Variants in GATA1 observed in about 807,000 individuals in gnomAD.
GATA1 encodes GATA binding protein 1, also known as erythroid transcription factor.
GATA1 carries 2 observed loss-of-function variants against 18.9 expected under a neutral mutation model. That is an observed-to-expected ratio of 0.11 (90% confidence interval 0.04 to 0.33). The LOEUF (loss-of-function observed/expected upper bound fraction) is 0.33. GATA1 is among the 10% of genes least tolerant of loss of function. GATA1 has a pLI of 1.00. For synonymous variants in GATA1, 152 were observed against 149.1 expected, an observed-to-expected ratio of 1.02 and a Z score of -0.14; for missense variants, 272 against 344.7, an observed-to-expected ratio of 0.79 and a Z score of 1.67.
intron 5 of GATA1, 90 bp from the exon 6 acceptor site, chrX:48,793,703 T>G (rs2062681696): frequency 3.5e-6 from 4 of 1,135,631 alleles, no homozygotes; most frequent in Non-Finnish European, 4.8e-6. Context: ...TATCTTACCC[T>G]GAAAGAAGTG....
chrX:48,789,044 C>T (rs781987724), intron 1 of GATA1, among the ~76,000 whole-genome samples: 66 of 112,625 alleles, frequency 5.9e-4, no homozygotes, highest in Non-Finnish European at 1.1e-3. Context: ...CAGTGGCTCA[C>T]GCCTATAACC....
In GATA1 at chrX:48,791,776, C is replaced by A. The variant is rs192402435; in HGVS notation, c.221-68C>A. On this transcript the variant is annotated intron_variant, in intron 2 of 5. Coordinates refer to ENST00000376670, the MANE Select transcript of GATA1 (RefSeq NM_002049.4). Reference sequence around the variant, plus strand: ...GTTGGGGGTGCTGGGAACCACTGCACCCTGACGTGCGCTGACCCTAGACTG... The same window carrying A: ...GTTGGGGGTGCTGGGAACCACTGCAACCTGACGTGCGCTGACCCTAGACTG... 1.4e-5 allele frequency: 16 copies of A among 1,168,090 alleles called. No homozygotes were observed. The East Asian group carries it at 3.9e-4, about 28-fold the overall frequency.
Position 48,793,999 on chromosome X carries a change from T to C in GATA1, c.1077T>C (p.Gly359=). 1 of 1,210,089 alleles carries C rather than the reference T, an allele frequency of 8.3e-7. No homozygotes were observed. The highest frequency in any genetic ancestry group is 1.8e-5 in the South Asian group (1 of 56,533). The change falls in exon 6 of 6, where the codon GGT becomes GGC. Residue 359 remains glycine, a synonymous_variant. Coordinates refer to ENST00000376670, the MANE Select transcript of GATA1 (RefSeq NM_002049.4). ...VASGLTLGPP[G]TAHLYQGLGP... is the part of the protein sequence containing the mutation. Reference sequence around the variant, plus strand: ...CAGGCCTGACACTGGGCCCCCCAGGTACTGCCCATCTCTACCAAGGCCTGG... The same window carrying C: ...CAGGCCTGACACTGGGCCCCCCAGGCACTGCCCATCTCTACCAAGGCCTGG...
At chrX:48,793,347 C>T in intron 5 of GATA1, 50 bp downstream of exon 5, 9 of 1,161,020 alleles carry the variant, frequency 7.8e-6, no homozygotes, top group Non-Finnish European at 1.1e-5. Flanking sequence ...TGTCTTCATG[C>T]CACACTGCCC....
In GATA1 at chrX:48,792,319, C is replaced by T; in HGVS notation, c.599-4C>T. ...GCTCCCTCTTCTCCTCTCCACCCCACCAGAGGCCAGGGAGTGTGTGAACTG... is the reference window on the plus strand; with the variant it reads ...GCTCCCTCTTCTCCTCTCCACCCCATCAGAGGCCAGGGAGTGTGTGAACTG... On this transcript the variant is annotated splice_polypyrimidine_tract_variant and splice_region_variant and intron_variant, in intron 3 of 5. Transcript: ENST00000376670. 1 of 1,211,862 alleles carries T rather than the reference C, an allele frequency of 8.3e-7. No homozygotes were observed. The highest frequency in any genetic ancestry group is 1.8e-5 in the South Asian group (1 of 56,994).
intron 1 of GATA1, 82 bp from the exon 2 acceptor site, chrX:48,791,009 G>C: frequency 3.2e-6 from 2 of 629,684 alleles, no homozygotes; most frequent in South Asian, 2.4e-5. Flanking sequence ...GTGGGAGGAG[G>C]GGGAAAGGAG....
intron 1 of GATA1, among the ~76,000 whole-genome samples, chrX:48,789,736 C>A (rs913267007): frequency 4.5e-5 from 5 of 110,623 alleles, no homozygotes; most frequent in South Asian, 3.9e-4. Context: ...GGTACTGACC[C>A]CCCCCCAACC....
intron 2 of GATA1, 83 bp from the exon 3 acceptor site, chrX:48,791,761 C>A: frequency 9.0e-7 from 1 of 1,110,729 alleles, no homozygotes; most frequent in Non-Finnish European, 1.2e-6. Flanking sequence ...GTTGGGGGTG[C>A]TGGGAACCAC....
intron 1 of GATA1, among the ~76,000 whole-genome samples, chrX:48,790,698 AAGAC>A (rs1168343335): frequency 2.1e-5 from 2 of 96,644 alleles, no homozygotes; most frequent in Non-Finnish European, 4.2e-5. Context: ...AGACGGGAGA[AAGAC>A]AGGAGGAAAA....
At chrX:48,787,797 A>G (rs960124330) in intron 1 of GATA1, among the ~76,000 whole-genome samples, 4 of 110,747 alleles carry the variant, frequency 3.6e-5, no homozygotes, top group African/African-American at 9.9e-5. Context: ...CCTAAGCCCC[A>G]TATCTGCCCC....
intron 1 of GATA1, among the ~76,000 whole-genome samples, chrX:48,788,309 A>C (rs1211461943): frequency 9.0e-6 from 1 of 110,800 alleles, no homozygotes; most frequent in Non-Finnish European, 1.9e-5. Flanking sequence ...AAGGAAAAAC[A>C]GAGAGAGAGA....
At chrX:48,790,677 G>A (rs1406859347) in intron 1 of GATA1, among the ~76,000 whole-genome samples, 2 of 100,747 alleles carry the variant, frequency 2.0e-5, no homozygotes, top group Non-Finnish European at 4.0e-5. Context: ...AAGAAGAGAT[G>A]GGAAGAAGAG....
At chrX:48,792,816 C>T (rs1557020374) in intron 4 of GATA1, among the ~76,000 whole-genome samples, 3 of 111,780 alleles carry the variant, frequency 2.7e-5, no homozygotes, top group African/African-American at 6.5e-5. Context: ...CCAGTGTTTT[C>T]GTCCTTGGCT....
At chrX:48,791,643 G>A (rs1411407941) in intron 2 of GATA1, among the ~76,000 whole-genome samples, 8 of 111,650 alleles carry the variant, frequency 7.2e-5, no homozygotes, top group African/African-American at 2.6e-4. Context: ...AATGGTCAGA[G>A]GTTATTGCAG....
Position 48,793,248 on chromosome X carries a change from G to A in GATA1, c.821G>A (p.Ser274Asn), listed in dbSNP as rs374457234. ...ACGACACTGTGGCGGAGAAATGCCA[G>A]TGGGGATCCCGTGTGCAATGCCTGC... The part of the protein sequence containing the change: ...TTTTLWRRNA[S>N]GDPVCNACGL... Residue 274 changes from serine (S) to asparagine (N), a missense_variant, in exon 5 of 6, where the codon AGT (serine) becomes AAT (asparagine). This residue lies in a region of GATA1 where 42 missense variants were observed against 103.2 expected (regional missense o/e 0.41). Coordinates refer to ENST00000376670, the MANE Select transcript of GATA1 (RefSeq NM_002049.4). 9.1e-6 allele frequency: 11 copies of A among 1,207,046 alleles called. No individual in the cohort carries two copies. Among genetic ancestry groups the A allele is most frequent in the Non-Finnish European group, 7.8e-6 (7 of 894,129 alleles).
chrX:48,794,269 A>G lies in GATA1; in HGVS notation c.*105A>G. ...GGGCCCCAGGCACCCCCTGGCTTGA[A>G]CCTTCAAAGCTTTTGTAAAATAAAA... On this transcript the variant is annotated 3_prime_UTR_variant, in exon 6 of 6. Coordinates refer to ENST00000376670, the MANE Select transcript of GATA1 (RefSeq NM_002049.4). The G allele has an allele frequency of 1.0e-6, 1 of 969,148 alleles. No individual in the cohort carries two copies. The highest frequency in any genetic ancestry group is 3.2e-5 in the East Asian group (1 of 31,242). 79.9% of individuals were successfully genotyped at this position (969,148 alleles called of 1,213,427 possible).
Position 48,793,931 on chromosome X carries a change from G to A in GATA1, c.1009G>A (p.Val337Met). 8.3e-7 allele frequency: 1 copy of A among 1,204,976 alleles called. No homozygotes were observed. The highest frequency in any genetic ancestry group is 1.7e-5 in the African/African-American group (1 of 57,932). ...AGGACCAGCTGGTGGCTTTATGGTGGTGGCTGGGGGCAGCGGTAGCGGGAA... is the reference window on the plus strand; with the variant it reads ...AGGACCAGCTGGTGGCTTTATGGTGATGGCTGGGGGCAGCGGTAGCGGGAA... Reference protein sequence around the residue: ...AEGPAGGFMVVAGGSGSGNCG... With the variant: ...AEGPAGGFMVMAGGSGSGNCG... Residue 337 changes from valine to methionine, a missense_variant, in exon 6 of 6, where the codon GTG becomes ATG. Physicochemically the swap from Val to Met is conservative, Grantham distance 21. Coordinates refer to ENST00000376670, the MANE Select transcript of GATA1 (RefSeq NM_002049.4).
chrX:48,793,257 CCGT>C lies in GATA1; in HGVS notation c.831_833del (p.Val278del). ...TGGCGGAGAAATGCCAGTGGGGATC[CCGT>C]GTGCAATGCCTGCGGCCTCTACTAC... On this transcript the variant is annotated inframe_deletion, in exon 5 of 6. Coordinates refer to ENST00000376670, the MANE Select transcript of GATA1 (RefSeq NM_002049.4). 8.3e-7 allele frequency: 1 copy of C among 1,210,343 alleles called. No individual in the cohort carries two copies. Among genetic ancestry groups the C allele is most frequent in the Non-Finnish European group, 1.1e-6 (1 of 894,838 alleles).
chrX:48,787,834 C>T (rs1189969743), intron 1 of GATA1, among the ~76,000 whole-genome samples: 1 of 111,541 alleles, frequency 9.0e-6, no homozygotes, highest in African/African-American at 3.3e-5. Context: ...CTCCCTTCAG[C>T]CCGGTGAGAC....
Sources: allele counts gnomAD v4.1 joint callset (sites outside exome capture counted in the v4.1 genomes callset), GRCh38; gene constraint gnomAD v4.1.1; regional missense constraint gnomAD v4.1.1; transcripts MANE v1.5; gene names NCBI Gene and HGNC (gene_info 2026-07-23, HGNC 2026-07-21).